Variants in TUBGCP3 observed in about 807,000 individuals in gnomAD.
TUBGCP3 encodes the protein gamma-tubulin complex component 3.
TUBGCP3 carries 50 observed loss-of-function variants against 123.1 expected under a neutral mutation model. The observed-to-expected ratio is 0.41, with a 90% confidence interval of 0.32 to 0.51. TUBGCP3 has a LOEUF of 0.51. Among genes scored for constraint, TUBGCP3 ranks in the 20% least tolerant of loss-of-function variants. The pLI is 0.36. For missense variants in TUBGCP3, 882 were observed against 1,127.0 expected (o/e 0.78, Z 3.11); for synonymous variants, 405 against 413.9 (o/e 0.98, Z 0.26).
intron 10 of TUBGCP3, chr13:112,547,051 A>G: frequency 5.8e-6 from 1 of 171,126 alleles, no homozygotes; most frequent in Non-Finnish European, 1.2e-5. Flanking sequence ...AAGGTAGCAC[A>G]AACAATGAGA....
intron 19 of TUBGCP3, among the ~76,000 whole-genome samples, chr13:112,501,669 T>A (rs1359190864): frequency 6.7e-6 from 1 of 150,296 alleles, no homozygotes; most frequent in African/African-American, 2.5e-5. Context: ...ATACTGGGTT[T>A]ATTTATTTTT....
chr13:112,581,818 TATATA>T (rs1594235622), intron 1 of TUBGCP3, among the ~76,000 whole-genome samples: 3 of 152,170 alleles, frequency 2.0e-5, no homozygotes, highest in Admixed American at 6.5e-5. Flanking sequence ...CCAAATGTTT[TATATA>T]CTTTTCAACT....
intron 1 of TUBGCP3, among the ~76,000 whole-genome samples, chr13:112,570,076 G>A (rs562411923): frequency 1.2e-4 from 18 of 152,150 alleles, no homozygotes; most frequent in South Asian, 8.3e-4. Context: ...AAGTTTGGAC[G>A]GAAACAGACT....
In TUBGCP3 at chr13:112,490,519, T is replaced by G. The variant is rs184431730; in HGVS notation, c.2449-822A>C. Among the ~76,000 whole-genome samples, 20 of 152,346 alleles carry G rather than the reference T, an allele frequency of 1.3e-4. No homozygotes were observed. In the East Asian group the frequency reaches 3.7e-3, roughly 28 times the overall value. Reference sequence around the variant, plus strand: ...ATCTGCCTGCCTCAGCCTCCCAAAGTGCTGGGATTACAGGCGGGAGCCACC... The same window carrying G: ...ATCTGCCTGCCTCAGCCTCCCAAAGGGCTGGGATTACAGGCGGGAGCCACC... On this transcript the variant is annotated intron_variant, in intron 20 of 21. Transcript: ENST00000261965.
chr13:112,600,228 T>C, the TUBGCP3 span, among the ~76,000 whole-genome samples: 3 of 152,180 alleles, frequency 2.0e-5, no homozygotes, highest in African/African-American at 7.2e-5. Flanking sequence ...GTTTTAACAT[T>C]CTTTTATATT....
chr13:112,581,276 G>A (rs1283097844), intron 1 of TUBGCP3, among the ~76,000 whole-genome samples: 1 of 152,178 alleles, frequency 6.6e-6, no homozygotes, highest in African/African-American at 2.4e-5. Flanking sequence ...CCTGCATAGT[G>A]GGGAAAGGAA....
At chr13:112,532,744 G>A (rs1877690393) in intron 11 of TUBGCP3, among the ~76,000 whole-genome samples, 1 of 152,206 alleles carries the variant, frequency 6.6e-6, no homozygotes, top group Admixed American at 6.5e-5. Context: ...TGCTGAAAGT[G>A]CTTTCCAACT....
chr13:112,596,501 T>A, the TUBGCP3 span, among the ~76,000 whole-genome samples: 2 of 152,238 alleles, frequency 1.3e-5, no homozygotes, highest in African/African-American at 4.8e-5. Flanking sequence ...AGGATGTTAT[T>A]TCTCTCTGGC....
At chr13:112,558,777 G>A (rs918665236) in intron 4 of TUBGCP3, among the ~76,000 whole-genome samples, 2 of 152,068 alleles carry the variant, frequency 1.3e-5, no homozygotes, top group African/African-American at 2.4e-5. Flanking sequence ...TTGCTCAGAC[G>A]AAGCCTTTAG....
At chr13:112,549,923 G>C (rs1879414855) in intron 8 of TUBGCP3, among the ~76,000 whole-genome samples, 1 of 151,116 alleles carries the variant, frequency 6.6e-6, no homozygotes, top group African/African-American at 2.4e-5. Context: ...ACAGGAGGCG[G>C]GGCTTGCAGT....
chr13:112,512,017 C>T (rs141288828), intron 17 of TUBGCP3, among the ~76,000 whole-genome samples: 426 of 152,322 alleles, frequency 2.8e-3, no homozygotes, highest in African/African-American at 9.6e-3. Context: ...AAACCTGTAA[C>T]TTATTATCAT....
At position 112,498,966 on chromosome 13, in the gene TUBGCP3, T is replaced by C. The variant is rs1182481755; in HGVS notation, c.2448+79A>G. ...CTGACAATTTTGGCAAGAAAGTTAT[T>C]TGTTGGCATTTGAGATTATCGTGTG... is the stretch of plus-strand genomic sequence containing the variant. On this transcript the variant is annotated intron_variant, in intron 20 of 21. Transcript: ENST00000261965. The C allele has an allele frequency of 3.7e-6, 6 of 1,614,208 alleles. No homozygotes were observed. The South Asian group carries it at 6.6e-5, about 18-fold the overall frequency.
intron 1 of TUBGCP3, among the ~76,000 whole-genome samples, chr13:112,579,663 T>C (rs1882143659): frequency 6.6e-6 from 1 of 150,390 alleles, no homozygotes; most frequent in African/African-American, 2.5e-5. Context: ...AGCCATGGCA[T>C]CCCTGGAGCT....
chr13:112,547,563 CGCGCGTGGG>C, intron 10 of TUBGCP3, 48 bp downstream of exon 10: 8 of 1,340,100 alleles, frequency 6.0e-6, no homozygotes, highest in South Asian at 3.4e-5. Context: ...GTGGGAAAGT[CGCGCGTGGG>C]AAAGTCGCGC....
chr13:112,551,381 T>C (rs1245694529), intron 8 of TUBGCP3, among the ~76,000 whole-genome samples: 3 of 152,234 alleles, frequency 2.0e-5, no homozygotes, highest in Admixed American at 6.5e-5. Context: ...CCATTTGGTA[T>C]GTCTAGAGCC....
intron 21 of TUBGCP3, among the ~76,000 whole-genome samples, 194 bp from the exon 22 acceptor site, chr13:112,486,345 C>A (rs115926004): frequency 6.6e-6 from 1 of 152,294 alleles, no homozygotes; most frequent in African/African-American, 2.4e-5. Flanking sequence ...GGCCAGTGCA[C>A]CTGCATTAGG....
chr13:112,582,414 C>A (rs556802696), intron 1 of TUBGCP3, among the ~76,000 whole-genome samples: 1 of 152,294 alleles, frequency 6.6e-6, no homozygotes, highest in East Asian at 1.9e-4. Flanking sequence ...AAAATGAGGG[C>A]ACTATGACAG....
the TUBGCP3 span, among the ~76,000 whole-genome samples, chr13:112,602,166 G>C: frequency 6.6e-6 from 1 of 152,208 alleles, no homozygotes; most frequent in South Asian, 2.1e-4. Context: ...CTGTATGGCA[G>C]TGCCTCGCAT....
chr13:112,520,823 G>A (rs1399386710), intron 14 of TUBGCP3, among the ~76,000 whole-genome samples: 2 of 152,120 alleles, frequency 1.3e-5, no homozygotes, highest in East Asian at 1.9e-4. Flanking sequence ...GTCTCTAATC[G>A]GGGGTGACCA....
Sources: allele counts gnomAD v4.1 joint callset (sites outside exome capture counted in the v4.1 genomes callset), GRCh38; gene constraint gnomAD v4.1.1; transcripts MANE v1.5; gene names NCBI Gene and HGNC (gene_info 2026-07-23, HGNC 2026-07-21).